Variants in STXBP5L observed in about 807,000 individuals in gnomAD.
STXBP5L encodes the protein syntaxin binding protein 5L.
A neutral mutation model predicts 144.5 loss-of-function variants in STXBP5L; 65 were observed. The observed-to-expected ratio is 0.45, with a 90% CI of 0.37 to 0.55. The LOEUF is 0.55. Ranked by LOEUF, STXBP5L falls within the 20% of genes least tolerant of loss-of-function variation. STXBP5L has a pLI of 0.00. For synonymous variants in STXBP5L, 505 were observed against 469.6 expected (o/e 1.08, Z -0.97); for missense variants, 1,298 against 1,405.5 (o/e 0.92, Z 1.22).
chr3:121,124,920 A>G (rs911654871), intron 7 of STXBP5L, among the ~76,000 whole-genome samples: 13 of 152,186 alleles, frequency 8.5e-5, no homozygotes, highest in African/African-American at 2.9e-4. Flanking sequence ...GAAGTTAAAA[A>G]CATTCCACCT....
chr3:121,338,616 AAGAG>A (rs1296778217), intron 20 of STXBP5L, among the ~76,000 whole-genome samples: 2 of 147,382 alleles, frequency 1.4e-5, no homozygotes, highest in African/African-American at 2.5e-5. Context: ...AAAAGAGAGA[AAGAG>A]AGAAAGAAAG....
chr3:120,999,836 T>G (rs1393047043), intron 3 of STXBP5L, among the ~76,000 whole-genome samples: 1 of 152,130 alleles, frequency 6.6e-6, no homozygotes, highest in Non-Finnish European at 1.5e-5. Flanking sequence ...TTTGTCTCCT[T>G]TATTTGCTTG....
At chr3:121,408,068 T>C (rs961444213) in intron 23 of STXBP5L, among the ~76,000 whole-genome samples, 2 of 152,120 alleles carry the variant, frequency 1.3e-5, no homozygotes, top group East Asian at 1.9e-4. Flanking sequence ...GAAAATAAAC[T>C]ATTATTTGCA....
At chr3:120,977,212 C>T (rs1227417269) in intron 3 of STXBP5L, among the ~76,000 whole-genome samples, 4 of 152,100 alleles carry the variant, frequency 2.6e-5, no homozygotes, top group Admixed American at 6.5e-5. Context: ...GGACTTGCTT[C>T]ATGAATCTGG....
intron 5 of STXBP5L, among the ~76,000 whole-genome samples, chr3:121,057,035 C>A (rs1188950085): frequency 2.0e-5 from 3 of 150,476 alleles, no homozygotes; most frequent in Non-Finnish European, 4.4e-5. Flanking sequence ...AACAAATTAG[C>A]AAGATCTTTA....
intron 19 of STXBP5L, among the ~76,000 whole-genome samples, chr3:121,289,319 A>G (rs1216911558): frequency 2.0e-5 from 3 of 152,176 alleles, no homozygotes; most frequent in African/African-American, 7.2e-5. Flanking sequence ...GACATTAAAT[A>G]TGATAAAAGG....
chr3:121,039,969 T>G (rs1199818871), intron 3 of STXBP5L, among the ~76,000 whole-genome samples: 1 of 152,114 alleles, frequency 6.6e-6, no homozygotes. Context: ...GATAGATGGA[T>G]GGATAGATAG....
intron 20 of STXBP5L, among the ~76,000 whole-genome samples, chr3:121,366,503 A>T (rs531970258): frequency 7.9e-5 from 12 of 151,918 alleles, no homozygotes; most frequent in African/African-American, 2.9e-4. Flanking sequence ...TGTCCTTCTT[A>T]GTCTCTTTTA....
chr3:120,914,102 T>C (rs192591856), intron 2 of STXBP5L, among the ~76,000 whole-genome samples: 2 of 152,138 alleles, frequency 1.3e-5, no homozygotes, highest in African/African-American at 4.8e-5. Flanking sequence ...TTTCAGTTTT[T>C]ATTGAAGAAG....
At chr3:121,348,575 T>A (rs1404198037) in intron 20 of STXBP5L, among the ~76,000 whole-genome samples, 1 of 152,108 alleles carries the variant, frequency 6.6e-6, no homozygotes, top group Non-Finnish European at 1.5e-5. Flanking sequence ...CAGCTGTGAA[T>A]CCATCTGGTC....
chr3:120,957,285 T>A (rs936466379), intron 3 of STXBP5L, among the ~76,000 whole-genome samples: 1 of 152,056 alleles, frequency 6.6e-6, no homozygotes, highest in Non-Finnish European at 1.5e-5. Context: ...TCAGCACTTA[T>A]TGAAATGATC....
chr3:121,173,323 T>TATAATAAGAATAATA (rs1553725477), intron 9 of STXBP5L, among the ~76,000 whole-genome samples: 1 of 146,524 alleles, frequency 6.8e-6, no homozygotes, highest in Non-Finnish European at 1.5e-5. Context: ...GAACTTAAAA[T>TATAATAAGAATAATA]ATAATAATAA....
At chr3:121,339,187 T>C (rs2108577440) in intron 20 of STXBP5L, among the ~76,000 whole-genome samples, 1 of 152,136 alleles carries the variant, frequency 6.6e-6, no homozygotes, top group Non-Finnish European at 1.5e-5. Flanking sequence ...ACTAGCAAAC[T>C]AAACCCAACA....
intron 22 of STXBP5L, among the ~76,000 whole-genome samples, chr3:121,400,080 C>T (rs553326281): frequency 1.3e-5 from 2 of 152,186 alleles, no homozygotes; most frequent in African/African-American, 2.4e-5. Flanking sequence ...GGTTCTGCTC[C>T]CAGAAGGCCC....
chr3:121,073,764 G>C (rs983623671), intron 5 of STXBP5L, among the ~76,000 whole-genome samples: 4 of 152,218 alleles, frequency 2.6e-5, no homozygotes, highest in Non-Finnish European at 4.4e-5. Context: ...CCAAAAGCGA[G>C]TAATTTGGAA....
intron 7 of STXBP5L, among the ~76,000 whole-genome samples, chr3:121,133,724 A>G (rs542569466): frequency 1.3e-5 from 2 of 152,302 alleles, no homozygotes; most frequent in African/African-American, 4.8e-5. Flanking sequence ...AGACTGGGTA[A>G]TTTATAAGCA....
At chr3:121,382,701 T>C (rs1465929623) in intron 22 of STXBP5L, among the ~76,000 whole-genome samples, 1 of 152,136 alleles carries the variant, frequency 6.6e-6, no homozygotes, top group African/African-American at 2.4e-5. Flanking sequence ...AGAAATATTC[T>C]AACAATTGTG....
chr3:120,999,407 C>G (rs1019556211), intron 3 of STXBP5L, among the ~76,000 whole-genome samples: 1 of 152,038 alleles, frequency 6.6e-6, no homozygotes, highest in African/African-American at 2.4e-5. Flanking sequence ...ATTCTTTTTT[C>G]TTTTCCATTT....
intron 11 of STXBP5L, among the ~76,000 whole-genome samples, chr3:121,226,139 G>A (rs1262957087): frequency 6.6e-6 from 1 of 152,192 alleles, no homozygotes; most frequent in African/African-American, 2.4e-5. Context: ...ATTTCACACA[G>A]ATACTAAGGT....
Sources: gnomAD v4.1 joint callset for allele counts (sites outside exome capture counted in the v4.1 genomes callset) on GRCh38, gnomAD v4.1.1 for gene constraint, MANE v1.5 for transcripts, NCBI Gene and HGNC (gene_info 2026-07-23, HGNC 2026-07-21) for gene names.